The following SRR variants were observed in gnomAD, a reference collection of about 807,000 sequenced individuals.
The protein encoded by SRR is D-serine ammonia-lyase.
In SRR, 19 loss-of-function variants were observed where a neutral mutation model predicts 32.7. The observed-to-expected ratio is 0.58, with a 90% CI of 0.40 to 0.85. The LOEUF (loss-of-function observed/expected upper bound fraction) is 0.85. SRR is among the 40% of genes least tolerant of loss of function. The probability of loss-of-function intolerance (pLI) is 0.00; values close to 1 mark genes in which losing one functional copy is unlikely to be tolerated. For synonymous variants in SRR, 142 were observed against 140.9 expected (o/e 1.01, Z -0.06); for missense variants, 373 against 404.7 (o/e 0.92, Z 0.67).
chr17:2,320,251 CTTTTTTTTTTTT>C lies in SRR; in HGVS notation c.400-1041_400-1030del, dbSNP rs35025479. The stretch of plus-strand genomic sequence containing the variant: ...CTATCTTTCTGACCTCATCTCTCAT[CTTTTTTTTTTTT>C]TTTTTTTTTTTTTAGACAGAATCTC... On this transcript the variant is annotated intron_variant, in intron 4 of 7. Transcript: ENST00000344595. Among the ~76,000 whole-genome samples, 128 of 76,754 alleles carry C rather than the reference CTTTTTTTTTTTT, an allele frequency of 1.7e-3. 1 individual carries two copies. Among genetic ancestry groups the C allele is most frequent in the African/African-American group, 5.8e-3 (109 of 18,668 alleles). 50.4% of individuals were successfully genotyped at this position (76,754 alleles called of 152,430 possible).
intron 1 of SRR, chr17:2,306,674 G>A (rs1043263049): frequency 3.0e-5 from 13 of 431,956 alleles, no homozygotes; most frequent in South Asian, 1.5e-4. Flanking sequence ...CCGAGATCAC[G>A]CCACTGCACT....
In SRR at chr17:2,317,943, C is replaced by T. The variant is rs981182794; in HGVS notation, c.242C>T (p.Thr81Ile). 1 of 1,613,904 alleles carries T rather than the reference C, an allele frequency of 6.2e-7. No individual in the cohort carries two copies. Among genetic ancestry groups the T allele is most frequent in the African/African-American group, 1.3e-5 (1 of 74,888 alleles). The change falls in exon 3 of 8, where the codon ACT becomes ATT. Residue 81 changes from threonine to isoleucine, a missense_variant. By Grantham distance (89) the Thr-to-Ile change is moderately conservative. Coordinates refer to ENST00000344595, the MANE Select transcript of SRR (RefSeq NM_021947.3). ...ALERKPKAVVTHSSGNHGQAL... is the reference protein window; with the variant it reads ...ALERKPKAVVIHSSGNHGQAL... ...GAAAGGAAGCCGAAAGCTGTTGTTA[C>T]TCACAGCAGTGGAAACCATGGCCAG...
intron 1 of SRR, chr17:2,307,422 T>A: frequency 7.9e-7 from 1 of 1,273,598 alleles, no homozygotes; most frequent in South Asian, 1.2e-5. Flanking sequence ...GTGAAGGAAA[T>A]TTCAGTGGTC....
chr17:2,305,943 C>T (rs987794160), intron 1 of SRR, among the ~76,000 whole-genome samples: 1 of 151,762 alleles, frequency 6.6e-6, no homozygotes, highest in African/African-American at 2.4e-5. Flanking sequence ...AGGTGATCCA[C>T]CCGCCTCAAC....
chr17:2,323,806 T>A lies in SRR; in HGVS notation c.956T>A (p.Leu319Ter), dbSNP rs1567780840. The A allele has an allele frequency of 6.2e-7, 1 of 1,614,222 alleles. No individual in the cohort carries two copies. Among genetic ancestry groups the A allele is most frequent in the Non-Finnish European group, 8.5e-7 (1 of 1,180,044 alleles). Reference sequence around the variant, plus strand: ...GTGCTCAGTGGTGGAAATGTAGACTTAACCTCCTCCATAACTTGGGTGAAG... The same window carrying A: ...GTGCTCAGTGGTGGAAATGTAGACTAAACCTCCTCCATAACTTGGGTGAAG... The part of the protein sequence containing the change: ...CIVLSGGNVD[L>*]TSSITWVKQA... The change falls in exon 8 of 8, where the codon TTA becomes TAA. Residue 319 changes from leucine to a stop codon, truncating the protein, a stop_gained. Coordinates refer to ENST00000344595, the MANE Select transcript of SRR (RefSeq NM_021947.3). LOFTEE classifies it high-confidence loss of function.
chr17:2,323,085 C>T, intron 6 of SRR, 51 bp from the exon 7 acceptor site: 1 of 1,568,452 alleles, frequency 6.4e-7, no homozygotes, highest in Non-Finnish European at 8.8e-7. Context: ...TTTAGACATG[C>T]AGGCAATGTT....
At position 2,315,430 on chromosome 17, in the gene SRR, A is replaced by G. The variant is rs534796449; in HGVS notation, c.-4-127A>G. The G allele has an allele frequency of 9.5e-4, 867 of 913,748 alleles. 2 individuals are homozygous for G. The highest frequency in any genetic ancestry group is 1.2e-3 in the Non-Finnish European group (757 of 633,552). 56.6% of individuals were successfully genotyped at this position (913,748 alleles called of 1,614,324 possible). On this transcript the variant is annotated intron_variant, in intron 1 of 7. Transcript: ENST00000344595. Reference sequence around the variant, plus strand: ...TCTTTTAGGGAAATTCTGACACTCCAATAATGGAGAATTTCCACATGACAC... The same window carrying G: ...TCTTTTAGGGAAATTCTGACACTCCGATAATGGAGAATTTCCACATGACAC...
intron 1 of SRR, among the ~76,000 whole-genome samples, chr17:2,314,075 A>T (rs1397280779): frequency 2.0e-5 from 3 of 152,250 alleles, no homozygotes; most frequent in African/African-American, 4.8e-5. Flanking sequence ...GTTATTGAAA[A>T]TTATGAAAAT....
chr17:2,307,852 C>G, intron 1 of SRR: 1 of 646,382 alleles, frequency 1.5e-6, no homozygotes, highest in Non-Finnish European at 2.8e-6. Context: ...ATGTTTTAGA[C>G]AAATACTCAT....
At position 2,325,205 on chromosome 17, in the gene SRR, C is replaced by T; in HGVS notation, c.*1332C>T. 1 of 852,742 alleles carries T rather than the reference C, an allele frequency of 1.2e-6. No individual in the cohort carries two copies. The highest frequency in any genetic ancestry group is 1.8e-6 in the Non-Finnish European group (1 of 544,068). 52.8% of individuals were successfully genotyped at this position (852,742 alleles called of 1,614,324 possible). A position where few individuals can be genotyped will look rare whatever the true frequency, so the allele number is the denominator to read the frequency against. Reference sequence around the variant, plus strand: ...GTATTTTGAAAACCATCATTACCTTCTCCATACCATTTGGCTCCCAAATTT... The same window carrying T: ...GTATTTTGAAAACCATCATTACCTTTTCCATACCATTTGGCTCCCAAATTT... On this transcript the variant is annotated 3_prime_UTR_variant, in exon 8 of 8. Transcript: ENST00000344595.
At chr17:2,305,580 G>A (rs77530532) in intron 1 of SRR, among the ~76,000 whole-genome samples, 41,403 of 152,182 alleles carry the variant, frequency 0.27, 6,631 homozygotes, top group Admixed American at 0.36. Flanking sequence ...AATTTACTAC[G>A]TTGGTGGAAA....
intron 1 of SRR, chr17:2,310,053 T>C (rs938350895): frequency 6.6e-6 from 1 of 152,200 alleles, no homozygotes; most frequent in African/African-American, 2.4e-5. Context: ...TGAAGCTCCA[T>C]ATTCCTCCCC....
At position 2,323,756 on chromosome 17, in the gene SRR, C is replaced by T. The variant is rs1331684517; in HGVS notation, c.906C>T (p.Ser302=). 11 of 1,614,116 alleles carry T rather than the reference C, an allele frequency of 6.8e-6. 1 individual carries two copies. The highest frequency in any genetic ancestry group is 3.3e-5 in the Admixed American group (2 of 60,004). The change falls in exon 8 of 8, where the codon TCC becomes TCT. Residue 302 remains serine, a synonymous_variant. Transcript: ENST00000344595. ...TGTCTCAACATTTTCAAACTGTTTCCCCAGAAGTAAAGAACATTTGTATTG... is the reference window on the plus strand; with the variant it reads ...TGTCTCAACATTTTCAAACTGTTTCTCCAGAAGTAAAGAACATTTGTATTG... ...AVLSQHFQTV[S]PEVKNICIVL... is the part of the protein sequence containing the mutation.
Position 2,321,583 on chromosome 17 carries a change from A to G in SRR, c.561A>G (p.Gly187=). ...VDALVVPVGG[G]GMLAGIAITV... is the part of the protein sequence containing the mutation. ...CACTGGTGGTACCTGTAGGTGGAGG[A>G]GGAATGCTTGCTGGAATAGCAATTA... is the stretch of plus-strand genomic sequence containing the variant. The change falls in exon 6 of 8, where the codon GGA becomes GGG. Residue 187 remains glycine (G), a synonymous_variant. Coordinates refer to ENST00000344595, the MANE Select transcript of SRR (RefSeq NM_021947.3). 1.9e-6 allele frequency: 3 copies of G among 1,614,038 alleles called. No homozygotes were observed. The highest frequency in any genetic ancestry group is 2.5e-6 in the Non-Finnish European group (3 of 1,179,996).
At position 2,324,669 on chromosome 17, in the gene SRR, T is replaced by C; in HGVS notation, c.*796T>C. 1 of 1,614,010 alleles carries C rather than the reference T, an allele frequency of 6.2e-7. No individual in the cohort carries two copies. Among genetic ancestry groups the C allele is most frequent in the East Asian group, 2.2e-5 (1 of 44,882 alleles). On this transcript the variant is annotated 3_prime_UTR_variant, in exon 8 of 8. Transcript: ENST00000344595. ...ATACCACAAAGGCAATCAGATCCCATCCTCCTCCTTCATACCCACCTCTGT... is the reference window on the plus strand; with the variant it reads ...ATACCACAAAGGCAATCAGATCCCACCCTCCTCCTTCATACCCACCTCTGT...
chr17:2,324,219 C>T lies in SRR; in HGVS notation c.*346C>T. The stretch of plus-strand genomic sequence containing the variant: ...CATTACTCCATGCCCCCTTGAGGCA[C>T]TGTTGAAGAAATCTCACTTTTCAGC... On this transcript the variant is annotated 3_prime_UTR_variant, in exon 8 of 8. Coordinates refer to ENST00000344595, the MANE Select transcript of SRR (RefSeq NM_021947.3). 1 of 1,525,580 alleles carries T rather than the reference C, an allele frequency of 6.6e-7. No individual in the cohort carries two copies. The highest frequency in any genetic ancestry group is 8.8e-7 in the Non-Finnish European group (1 of 1,142,174). 94.5% of individuals were successfully genotyped at this position (1,525,580 alleles called of 1,614,324 possible).
At chr17:2,305,036 C>T (rs776105007) in intron 1 of SRR, among the ~76,000 whole-genome samples, 1 of 152,104 alleles carries the variant, frequency 6.6e-6, no homozygotes, top group Admixed American at 6.6e-5. Context: ...TAGTCTGAGC[C>T]GAAGGGATTG....
chr17:2,303,491 G>T, upstream of SRR: 3 of 1,328,972 alleles, frequency 2.3e-6, no homozygotes, highest in South Asian at 5.9e-5. Flanking sequence ...GGGCAGCGAG[G>T]GTCCGCCGCG....
intron 4 of SRR, 96 bp downstream of exon 4, chr17:2,319,025 G>A: frequency 1.2e-6 from 1 of 812,092 alleles, no homozygotes; most frequent in Non-Finnish European, 2.1e-6. Flanking sequence ...CTCCTTTGTG[G>A]TTTCCCCTTT....
Sources: allele counts gnomAD v4.1 joint callset (sites outside exome capture counted in the v4.1 genomes callset), GRCh38; gene constraint gnomAD v4.1.1; transcripts MANE v1.5; gene names NCBI Gene and HGNC (gene_info 2026-07-23, HGNC 2026-07-21).